Variants in RARB observed in about 807,000 individuals in gnomAD.
RARB encodes retinoic acid receptor beta, also known as HBV-activated protein.
RARB carries 17 observed loss-of-function variants against 51.9 expected under a neutral mutation model. That is an observed-to-expected ratio of 0.33 (90% CI 0.22 to 0.49). The LOEUF is 0.49. Among genes scored for constraint, RARB ranks in the 20% least tolerant of loss-of-function variants. The pLI, the probability that RARB is intolerant of heterozygous loss-of-function variation, is 0.99. For missense variants in RARB, 369 were observed against 550.8 expected, an observed-to-expected ratio of 0.67 and a Z score of 3.30; for synonymous variants, 215 against 195.4, an observed-to-expected ratio of 1.10 and a Z score of -0.84.
At chr3:25,285,250 A>G (rs1032750375) in intron 5 of RARB, among the ~76,000 whole-genome samples, 4 of 152,232 alleles carry the variant, frequency 2.6e-5, no homozygotes, top group African/African-American at 9.6e-5. Context: ...TCCACTGAGA[A>G]AGTGATATGA....
At chr3:25,295,730 C>G (rs938947826) in intron 5 of RARB, among the ~76,000 whole-genome samples, 1 of 152,112 alleles carries the variant, frequency 6.6e-6, no homozygotes, top group African/African-American at 2.4e-5. Context: ...GATATGTGGA[C>G]AAGATGGGAC....
intron 3 of RARB, among the ~76,000 whole-genome samples, chr3:25,104,527 C>T (rs139579420): frequency 6.6e-6 from 1 of 152,132 alleles, no homozygotes; most frequent in East Asian, 1.9e-4. Context: ...ATCTATAGTT[C>T]CAGCTACTCG....
intron 2 of RARB, among the ~76,000 whole-genome samples, chr3:24,981,884 G>A (rs1696682926): frequency 6.6e-6 from 1 of 152,156 alleles, no homozygotes; most frequent in South Asian, 2.1e-4. Flanking sequence ...CCTGGGAGCT[G>A]TAGACCAGAG....
At chr3:25,029,963 G>A (rs1697834347) in intron 2 of RARB, among the ~76,000 whole-genome samples, 1 of 152,168 alleles carries the variant, frequency 6.6e-6, no homozygotes, top group South Asian at 2.1e-4. Context: ...GGGACGTATG[G>A]AATATGGTGT....
intron 4 of RARB, among the ~76,000 whole-genome samples, chr3:25,151,883 CTG>C (rs1269934929): frequency 6.6e-6 from 1 of 151,496 alleles, no homozygotes; most frequent in Non-Finnish European, 1.5e-5. Context: ...CTACTGTTAA[CTG>C]TTTTATTGTT....
chr3:24,914,067 T>C (rs1695056330), intron 2 of RARB, among the ~76,000 whole-genome samples: 1 of 152,212 alleles, frequency 6.6e-6, no homozygotes, highest in Admixed American at 6.5e-5. Flanking sequence ...TGAAATCATG[T>C]TGTCTGTGAT....
intron 2 of RARB, among the ~76,000 whole-genome samples, chr3:24,922,853 G>T (rs1695247188): frequency 6.6e-6 from 1 of 152,130 alleles, no homozygotes; most frequent in Non-Finnish European, 1.5e-5. Flanking sequence ...GGTGTCTCAG[G>T]GTTATAGACC....
intron 2 of RARB, among the ~76,000 whole-genome samples, chr3:25,034,362 C>T (rs1189098757): frequency 2.0e-5 from 3 of 152,124 alleles, no homozygotes; most frequent in Admixed American, 1.3e-4. Flanking sequence ...AGTTGTGTGT[C>T]GAGAGGACCA....
chr3:24,968,823 G>C (rs540795924), intron 2 of RARB, among the ~76,000 whole-genome samples: 54 of 152,270 alleles, frequency 3.5e-4, no homozygotes, highest in Non-Finnish European at 6.6e-4. Context: ...TGAGTGGGTA[G>C]ACTACCCAAA....
At chr3:24,999,492 A>G (rs78346189) in intron 2 of RARB, among the ~76,000 whole-genome samples, 5,706 of 152,238 alleles carry the variant, frequency 0.037, 132 homozygotes, top group Middle Eastern at 0.061. Flanking sequence ...CCATTAAGAA[A>G]TCAAAGCCTA....
At chr3:24,986,926 T>C (rs959667539) in intron 2 of RARB, among the ~76,000 whole-genome samples, 3 of 152,056 alleles carry the variant, frequency 2.0e-5, no homozygotes, top group African/African-American at 7.2e-5. Context: ...AAGCTAAGAA[T>C]AGCCTATGAA....
chr3:25,214,244 C>G (rs1490791600), intron 5 of RARB, among the ~76,000 whole-genome samples: 1 of 152,168 alleles, frequency 6.6e-6, no homozygotes, highest in African/African-American at 2.4e-5. Context: ...CTCTTGTTGA[C>G]TTCAAAGGGA....
At chr3:24,980,948 T>C (rs62230584) in intron 2 of RARB, among the ~76,000 whole-genome samples, 73,954 of 152,074 alleles carry the variant, frequency 0.49, 18,432 homozygotes, top group Admixed American at 0.6. Context: ...GATGGGGTTT[T>C]GGTGTGGATG....
At chr3:25,210,345 G>A (rs1701661538) in intron 5 of RARB, among the ~76,000 whole-genome samples, 2 of 151,780 alleles carry the variant, frequency 1.3e-5, no homozygotes, top group African/African-American at 2.4e-5. Flanking sequence ...CTTGACCACA[G>A]GCCAGCAAAT....
chr3:25,097,329 C>T (rs1421746769), intron 3 of RARB, among the ~76,000 whole-genome samples: 1 of 152,050 alleles, frequency 6.6e-6, no homozygotes, highest in African/African-American at 2.4e-5. Context: ...TAGAAATCTA[C>T]TCAAAGCAAA....
intron 2 of RARB, among the ~76,000 whole-genome samples, chr3:25,028,066 C>T (rs1330043877): frequency 1.3e-5 from 2 of 152,106 alleles, no homozygotes; most frequent in Non-Finnish European, 2.9e-5. Context: ...TTATCGGAGA[C>T]ATAAGTAATC....
chr3:25,524,019 A>G (rs897169600), intron 3 of RARB, among the ~76,000 whole-genome samples: 2 of 152,142 alleles, frequency 1.3e-5, no homozygotes, highest in Admixed American at 1.3e-4. Flanking sequence ...AGCACAATGA[A>G]TTTTCTGTGG....
chr3:25,115,990 T>C (rs1575167550), intron 3 of RARB, among the ~76,000 whole-genome samples: 1 of 152,266 alleles, frequency 6.6e-6, no homozygotes, highest in Middle Eastern at 3.4e-3. Context: ...CTGAGAATTC[T>C]CTCCCACAGA....
At chr3:25,226,964 T>C (rs1344863015) in intron 5 of RARB, among the ~76,000 whole-genome samples, 2 of 152,194 alleles carry the variant, frequency 1.3e-5, no homozygotes, top group Non-Finnish European at 2.9e-5. Context: ...AAGCATAAGA[T>C]GATAATTGTT....
Sources: gnomAD v4.1 joint callset for allele counts (sites outside exome capture counted in the v4.1 genomes callset) on GRCh38, gnomAD v4.1.1 for gene constraint, MANE v1.5 for transcripts, NCBI Gene and HGNC (gene_info 2026-07-23, HGNC 2026-07-21) for gene names.